KCNIP4: variants seen among roughly 807,000 people sequenced by gnomAD.
KCNIP4 encodes the protein potassium voltage-gated channel interacting protein 4.
KCNIP4 carries 12 observed loss-of-function variants against 34.0 expected under a neutral mutation model. That is an observed-to-expected ratio of 0.35 (90% CI 0.23 to 0.57). The LOEUF is 0.57. Ranked by LOEUF, KCNIP4 falls within the 20% of genes least tolerant of loss-of-function variation. The pLI is 0.83. For missense variants in KCNIP4, 238 were observed against 311.7 expected (o/e 0.76, Z 1.78); for synonymous variants, 124 against 102.2 (o/e 1.21, Z -1.29).
At chr4:21,687,482 C>T (rs1750902870) in intron 1 of KCNIP4, among the ~76,000 whole-genome samples, 1 of 152,072 alleles carries the variant, frequency 6.6e-6, no homozygotes, top group African/African-American at 2.4e-5. Flanking sequence ...ATTGACTGTG[C>T]ACCAGTATGG....
In KCNIP4 at chr4:21,665,104, A is replaced by G. The variant is rs934925795; in HGVS notation, c.61+283467T>C. ...AGGACCAGCACAATGTCTGACATATAGTGGGCTCTCAATAAATCACTTCTG... is the reference window on the plus strand; with the variant it reads ...AGGACCAGCACAATGTCTGACATATGGTGGGCTCTCAATAAATCACTTCTG... On this transcript the variant is annotated intron_variant, in intron 1 of 8. Transcript: ENST00000382152. Among the ~76,000 whole-genome samples, 5 of 152,202 alleles carry G rather than the reference A, an allele frequency of 3.3e-5. No homozygotes were observed. The East Asian group carries it at 9.6e-4, about 29-fold the overall frequency.
chr4:21,637,620 T>C (rs748134047), intron 1 of KCNIP4, among the ~76,000 whole-genome samples: 8 of 151,826 alleles, frequency 5.3e-5, no homozygotes, highest in Non-Finnish European at 7.4e-5. Context: ...CTGTCTCTAC[T>C]AATAATACAA....
At chr4:21,438,883 C>T (rs895537344) in intron 1 of KCNIP4, among the ~76,000 whole-genome samples, 3 of 152,206 alleles carry the variant, frequency 2.0e-5, no homozygotes, top group East Asian at 1.9e-4. Flanking sequence ...AGAGAAAGGA[C>T]GGGGCGTGGT....
At position 20,842,440 on chromosome 4, in the gene KCNIP4, T is replaced by C. The variant is rs561974499; in HGVS notation, c.288+8103A>G. On this transcript the variant is annotated intron_variant, in intron 3 of 8. Transcript: ENST00000382152. ...GACGCGAAAAGTCAGCAGAAGATGGTTGGTCAAGGCCTGGCTGATCGTGAA... is the reference window on the plus strand; with the variant it reads ...GACGCGAAAAGTCAGCAGAAGATGGCTGGTCAAGGCCTGGCTGATCGTGAA... 2.0e-5 allele frequency among the ~76,000 whole-genome samples: 3 copies of C among 152,110 alleles called. No homozygotes were observed. The South Asian group carries it at 6.2e-4, about 32-fold the overall frequency.
At chr4:21,317,468 C>A (rs2109291128) in intron 1 of KCNIP4, among the ~76,000 whole-genome samples, 1 of 152,148 alleles carries the variant, frequency 6.6e-6, no homozygotes, top group South Asian at 2.1e-4. Flanking sequence ...TTTAAATAAA[C>A]TAAGGATTTT....
At chr4:21,052,992 G>A (rs532959434) in intron 1 of KCNIP4, among the ~76,000 whole-genome samples, 1 of 151,560 alleles carries the variant, frequency 6.6e-6, no homozygotes, top group Non-Finnish European at 1.5e-5. Flanking sequence ...AGATCAATCT[G>A]AGAGAGAAAG....
chr4:21,499,438 A>G (rs926034594), intron 1 of KCNIP4, among the ~76,000 whole-genome samples: 9 of 152,074 alleles, frequency 5.9e-5, no homozygotes, highest in African/African-American at 2.2e-4. Context: ...ATTGATTACA[A>G]TTCAAACTTA....
intron 4 of KCNIP4, among the ~76,000 whole-genome samples, chr4:20,755,184 C>A (rs71607034): frequency 0.22 from 32,793 of 152,060 alleles, 3,801 homozygotes; most frequent in East Asian, 0.42. Context: ...TCCAAATTCA[C>A]TTAATAACAG....
intron 1 of KCNIP4, among the ~76,000 whole-genome samples, chr4:21,124,623 C>T (rs1227279792): frequency 6.6e-6 from 1 of 151,968 alleles, no homozygotes. Context: ...CCCCATATTC[C>T]TGGATCTGGC....
chr4:21,476,958 A>C (rs1455850490), intron 1 of KCNIP4, among the ~76,000 whole-genome samples: 5 of 152,120 alleles, frequency 3.3e-5, no homozygotes, highest in Non-Finnish European at 7.4e-5. Flanking sequence ...GCACTGTCCT[A>C]GGTGCTGAAG....
chr4:21,493,820 T>A (rs1231949903), intron 1 of KCNIP4, among the ~76,000 whole-genome samples: 1 of 152,180 alleles, frequency 6.6e-6, no homozygotes, highest in Non-Finnish European at 1.5e-5. Context: ...TTGGCTTCTC[T>A]TTAATAGGGT....
chr4:21,246,147 T>G (rs1760186132), intron 1 of KCNIP4, among the ~76,000 whole-genome samples: 1 of 152,112 alleles, frequency 6.6e-6, no homozygotes, highest in Non-Finnish European at 1.5e-5. Flanking sequence ...ACAGTCACAT[T>G]TGCAAGAGTA....
chr4:20,935,995 T>G (rs1413355692), intron 1 of KCNIP4, among the ~76,000 whole-genome samples: 1 of 152,216 alleles, frequency 6.6e-6, no homozygotes, highest in African/African-American at 2.4e-5. Flanking sequence ...GATAGAGGTC[T>G]TGTGATTCCC....
intron 1 of KCNIP4, among the ~76,000 whole-genome samples, chr4:20,895,257 G>T (rs538788090): frequency 6.6e-6 from 1 of 152,256 alleles, no homozygotes; most frequent in Admixed American, 6.5e-5. Flanking sequence ...AACCCATCTT[G>T]TCTTGAATAT....
intron 1 of KCNIP4, among the ~76,000 whole-genome samples, chr4:21,082,125 A>G (rs2109022579): frequency 6.6e-6 from 1 of 151,946 alleles, no homozygotes; most frequent in East Asian, 1.9e-4. Flanking sequence ...AGCCTTTAGT[A>G]TGAGTGAATT....
chr4:21,697,587 G>T, intron 1 of KCNIP4: 2 of 1,372,600 alleles, frequency 1.5e-6, no homozygotes, highest in Non-Finnish European at 1.9e-6. Flanking sequence ...AGCTGTTAGC[G>T]CCTCAATCAG....
At chr4:21,710,088 T>C (rs1713603356) in intron 1 of KCNIP4, among the ~76,000 whole-genome samples, 1 of 152,182 alleles carries the variant, frequency 6.6e-6, no homozygotes, top group African/African-American at 2.4e-5. Context: ...CTTCCCAAAT[T>C]ATATATTCTT....
intron 1 of KCNIP4, among the ~76,000 whole-genome samples, chr4:21,551,513 G>T (rs1200238575): frequency 1.3e-5 from 2 of 152,100 alleles, no homozygotes; most frequent in African/African-American, 4.8e-5. Flanking sequence ...ATGTGTCTTA[G>T]TGCTGTGAAC....
At chr4:21,848,057 T>C (rs1305102450) in intron 1 of KCNIP4, 1 of 152,156 alleles carries the variant, frequency 6.6e-6, no homozygotes, top group East Asian at 1.9e-4. Flanking sequence ...TCTGGCACCA[T>C]TCTGAAGGTT....
Sources: allele counts gnomAD v4.1 joint callset (sites outside exome capture counted in the v4.1 genomes callset), GRCh38; gene constraint gnomAD v4.1.1; transcripts MANE v1.5; gene names NCBI Gene and HGNC (gene_info 2026-07-23, HGNC 2026-07-21).